The following SNX29 variants were observed in gnomAD, a reference collection of about 807,000 sequenced individuals.
SNX29 encodes the protein sorting nexin-29.
Under a neutral mutation model 102.1 loss-of-function variants are expected in SNX29, and 78 were observed. The ratio of observed to expected loss-of-function variants is 0.76; its 90% CI spans 0.64 to 0.92. SNX29 has a LOEUF of 0.92. Ranked by LOEUF, SNX29 falls within the 40% of genes least tolerant of loss-of-function variation. The pLI, the probability that SNX29 is intolerant of heterozygous loss-of-function variation, is 0.00. For synonymous variants in SNX29, 580 were observed against 414.5 expected, an observed-to-expected ratio of 1.40 and a Z score of -4.85; for missense variants, 1,280 against 1,061.7, an observed-to-expected ratio of 1.21 and a Z score of -2.86.
chr16:12,078,719 C>T (rs888921645), intron 10 of SNX29, 114 bp from the exon 11 acceptor site: 3 of 853,478 alleles, frequency 3.5e-6, no homozygotes, highest in Non-Finnish European at 5.9e-6. Context: ...ATGACTGCCT[C>T]TATCCCTTCT....
chr16:12,555,717 G>A (rs556674970), intron 20 of SNX29, among the ~76,000 whole-genome samples: 7 of 152,102 alleles, frequency 4.6e-5, no homozygotes, highest in Admixed American at 2.0e-4. Flanking sequence ...CTCCCTGATT[G>A]GCCCTTTCAC....
chr16:12,504,244 A>G (rs983688327), intron 19 of SNX29, among the ~76,000 whole-genome samples: 1 of 152,192 alleles, frequency 6.6e-6, no homozygotes, highest in Non-Finnish European at 1.5e-5. Flanking sequence ...TCCTTTTTTA[A>G]AAGATATAAT....
At chr16:12,088,891 C>A (rs1328906138) in intron 11 of SNX29, among the ~76,000 whole-genome samples, 1 of 152,114 alleles carries the variant, frequency 6.6e-6, no homozygotes, top group African/African-American at 2.4e-5. Flanking sequence ...AGTTCGAGAC[C>A]AGCCTGGCCA....
rs913020728 is a variant in SNX29, at chr16:12,071,487, C to T, written c.1319+2355C>T. ...CAAAGATCAGATAGTTGTAGGTATG[C>T]GGCATTATTTCTGAGGGCTCTGTTC... is the stretch of plus-strand genomic sequence containing the variant. On this transcript the variant is annotated intron_variant, in intron 10 of 20. Transcript: ENST00000566228. Among the ~76,000 whole-genome samples the T allele has an allele frequency of 6.6e-5, 10 of 152,138 alleles. No individual in the cohort carries two copies. The South Asian group carries it at 1.0e-3, about 16-fold the overall frequency.
intron 18 of SNX29, among the ~76,000 whole-genome samples, chr16:12,463,802 C>T (rs1431528139): frequency 6.7e-6 from 1 of 149,616 alleles, no homozygotes; most frequent in Non-Finnish European, 1.5e-5. Context: ...AACATATCCA[C>T]CACCTCCCGA....
chr16:12,156,915 G>T (rs573989436), intron 13 of SNX29, among the ~76,000 whole-genome samples: 71 of 152,286 alleles, frequency 4.7e-4, no homozygotes, highest in African/African-American at 1.3e-3. Flanking sequence ...CTTCTGTGGG[G>T]TGGGCCTGCC....
At position 12,267,987 on chromosome 16, in the gene SNX29, C is replaced by T. The variant is rs551820333; in HGVS notation, c.1679-9946C>T. ...TGGGGCCTCCTCACTGTTGGTAGAA[C>T]ATGTGGGTGCCCGCCCCAGGCCCTT... On this transcript the variant is annotated intron_variant, in intron 14 of 20. Coordinates refer to ENST00000566228, the MANE Select transcript of SNX29 (RefSeq NM_032167.5). Among the ~76,000 whole-genome samples, 79 of 152,306 alleles carry T rather than the reference C, an allele frequency of 5.2e-4. 2 individuals carry two copies. In the South Asian group the frequency reaches 0.016, roughly 30 times the overall value.
intron 14 of SNX29, among the ~76,000 whole-genome samples, chr16:12,261,507 T>G (rs1326704036): frequency 1.1e-4 from 16 of 141,978 alleles, no homozygotes; most frequent in African/African-American, 4.3e-4. Context: ...GAGTGAGTGT[T>G]TGCTGAGCTC....
At chr16:12,500,586 C>T (rs188579836) in intron 19 of SNX29, among the ~76,000 whole-genome samples, 218 of 152,362 alleles carry the variant, frequency 1.4e-3, no homozygotes, top group African/African-American at 4.9e-3. Flanking sequence ...TTGAGATGAA[C>T]AGTATCAAAT....
chr16:12,427,015 G>A (rs1310731626), intron 18 of SNX29, among the ~76,000 whole-genome samples: 3 of 152,190 alleles, frequency 2.0e-5, no homozygotes, highest in African/African-American at 7.2e-5. Flanking sequence ...TATTATATAT[G>A]CCAGAATGGG....
At chr16:12,291,423 G>T (rs1053121952) in intron 15 of SNX29, among the ~76,000 whole-genome samples, 3 of 152,092 alleles carry the variant, frequency 2.0e-5, no homozygotes, top group Admixed American at 1.3e-4. Context: ...GGAAAGACCC[G>T]CCCCCATCAT....
rs542534398 is a variant in SNX29 at position 12,063,725 on chromosome 16, G to T, written c.1243+2079G>T. 2.0e-5 allele frequency among the ~76,000 whole-genome samples: 3 copies of T among 151,408 alleles called. No homozygotes were observed. The East Asian group carries it at 5.8e-4, about 29-fold the overall frequency. On this transcript the variant is annotated intron_variant, in intron 9 of 20. Transcript: ENST00000566228. ...CCTGTTCATTCTCATGCCCTCCTTG[G>T]CCCACACCATGCCTCAGTCACATGA...
intron 16 of SNX29, among the ~76,000 whole-genome samples, chr16:12,379,971 T>C (rs1318801721): frequency 6.6e-6 from 1 of 152,136 alleles, no homozygotes; most frequent in Non-Finnish European, 1.5e-5. Context: ...GGCTTCAGTA[T>C]TGAATGTCAC....
At chr16:12,003,722 A>G (rs1407418563) in intron 3 of SNX29, among the ~76,000 whole-genome samples, 4 of 152,198 alleles carry the variant, frequency 2.6e-5, no homozygotes, top group African/African-American at 9.6e-5. Flanking sequence ...ATTCCTAAAA[A>G]TGGGCCGGGT....
At chr16:12,345,083 A>T (rs1484278597) in intron 15 of SNX29, among the ~76,000 whole-genome samples, 1 of 152,200 alleles carries the variant, frequency 6.6e-6, no homozygotes, top group Non-Finnish European at 1.5e-5. Flanking sequence ...CAGCAGAAAT[A>T]AGCCCTACAA....
intron 20 of SNX29, among the ~76,000 whole-genome samples, chr16:12,550,720 C>G (rs1421719455): frequency 2.0e-5 from 3 of 152,138 alleles, no homozygotes; most frequent in African/African-American, 7.2e-5. Flanking sequence ...TTATTCTACA[C>G]TCCTGTGTTG....
intron 15 of SNX29, among the ~76,000 whole-genome samples, chr16:12,329,778 C>T (rs2081242484): frequency 6.6e-6 from 1 of 152,252 alleles, no homozygotes; most frequent in African/African-American, 2.4e-5. Flanking sequence ...TGGCCCTTCT[C>T]TTTTCAGCTT....
In SNX29 at chr16:12,007,280, G is replaced by A. The variant is rs553114200; in HGVS notation, c.122+4237G>A. 5.9e-5 allele frequency among the ~76,000 whole-genome samples: 9 copies of A among 152,294 alleles called. No homozygotes were observed. The South Asian group carries it at 1.0e-3, about 18-fold the overall frequency. ...AGCCTTTTGGGAGGCTGAGGCAGGC[G>A]AATCACTTGAGGTCAGGAGTTCAAG... is the stretch of plus-strand genomic sequence containing the variant. On this transcript the variant is annotated intron_variant, in intron 3 of 20. Coordinates refer to ENST00000566228, the MANE Select transcript of SNX29 (RefSeq NM_032167.5).
intron 19 of SNX29, among the ~76,000 whole-genome samples, chr16:12,519,361 A>T (rs916375412): frequency 6.6e-6 from 1 of 152,196 alleles, no homozygotes; most frequent in African/African-American, 2.4e-5. Context: ...ATGGATAAAG[A>T]GGTGCACTGT....
Sources: allele counts gnomAD v4.1 joint callset (sites outside exome capture counted in the v4.1 genomes callset), GRCh38; gene constraint gnomAD v4.1.1; transcripts MANE v1.5; gene names NCBI Gene and HGNC (gene_info 2026-07-23, HGNC 2026-07-21).